PLA2G4C: variants seen among roughly 807,000 people sequenced by gnomAD.
PLA2G4C encodes cytosolic phospholipase A2 gamma.
A neutral mutation model predicts 73.8 loss-of-function variants in PLA2G4C; 64 were observed. The observed-to-expected ratio is 0.87, with a 90% CI of 0.71 to 1.07. The LOEUF (loss-of-function observed/expected upper bound fraction) is 1.07, where lower values mean the gene tolerates loss of function less well. Among genes scored for constraint, PLA2G4C ranks in the 50% least tolerant of loss-of-function variants. The pLI is 0.00. For synonymous variants in PLA2G4C, 254 were observed against 252.1 expected (o/e 1.01, Z -0.07); for missense variants, 622 against 665.4 (o/e 0.93, Z 0.72).
At chr19:48,066,780 C>T (rs2122509775) in intron 13 of PLA2G4C, among the ~76,000 whole-genome samples, 1 of 151,912 alleles carries the variant, frequency 6.6e-6, no homozygotes, top group Admixed American at 6.6e-5. Flanking sequence ...GTCTGGGCAA[C>T]ATAGTGAGAC....
intron 14 of PLA2G4C, among the ~76,000 whole-genome samples, chr19:48,055,410 T>TATATATATATATA (rs201946576): frequency 2.7e-5 from 4 of 148,354 alleles, no homozygotes; most frequent in Admixed American, 6.7e-5. Flanking sequence ...TATATATATA[T>TATATATATATATA]TTCAATTAGC....
At position 48,090,366 on chromosome 19, in the gene PLA2G4C, A is replaced by G. The variant is rs1484171103; in HGVS notation, c.761T>C (p.Phe254Ser). The G allele has an allele frequency of 7.5e-6, 12 of 1,608,620 alleles. No homozygotes were observed. The highest frequency in any genetic ancestry group is 1.6e-4 in the Middle Eastern group (1 of 6,066). Residue 254 changes from phenylalanine (F) to serine (S), a missense_variant and splice_region_variant, in exon 8 of 17, where the codon TTT becomes TCT. Transcript: ENST00000599921. The part of the protein sequence containing the change: ...GNTEVIREYI[F>S]DQLRNLTLKG... ...CTTTCTGTTCCCCAAATACTCACCA[A>G]AAATGTATTCCCTAATGACTTCAGT...
In PLA2G4C at chr19:48,062,300, C is replaced by G. The variant is rs927184148; in HGVS notation, c.1103-148G>C. On this transcript the variant is annotated intron_variant, in intron 13 of 16. Transcript: ENST00000599921. ...TTGCCAACTAGGAGCTGACTTCTCT[C>G]TCTTCCCAGATTCATATGTTGAAGC... 37 of 621,016 alleles carry G rather than the reference C, an allele frequency of 6.0e-5. No homozygotes were observed. In the South Asian group the frequency reaches 7.8e-4, roughly 13 times the overall value. The allele number at this position is 621,016 out of a possible 1,614,324, so 38.5% of individuals were successfully genotyped here.
At position 48,048,357 on chromosome 19, in the gene PLA2G4C, A is replaced by G. The variant is rs201919726; in HGVS notation, c.1612T>C (p.Cys538Arg). 6.3e-7 allele frequency: 1 copy of G among 1,598,856 alleles called. No individual in the cohort carries two copies. The highest frequency in any genetic ancestry group is 1.8e-5 in the Admixed American group (1 of 55,756). Residue 538 changes from cysteine (C) to arginine (R), a missense_variant, in exon 17 of 17, where the codon TGC becomes CGC. Transcript: ENST00000599921. ...CTGAGGCTCATCTATGCCAAGCAGCAACTTCGGGCACTATCCTTCGGGTAG... is the reference window on the plus strand; with the variant it reads ...CTGAGGCTCATCTATGCCAAGCAGCGACTTCGGGCACTATCCTTCGGGTAG... ...LYYPKDSARS[C>R]CLA
chr19:48,099,193 C>G (rs911182624), intron 5 of PLA2G4C, among the ~76,000 whole-genome samples: 4 of 151,924 alleles, frequency 2.6e-5, no homozygotes, highest in African/African-American at 9.7e-5. Context: ...TGCTTGAGCC[C>G]AGGAGGTCGA....
chr19:48,067,923 G>A (rs746592837), intron 12 of PLA2G4C, 37 bp from the exon 13 acceptor site: 1 of 1,438,922 alleles, frequency 6.9e-7, no homozygotes, highest in Admixed American at 1.7e-5. Context: ...GGTGAGTTCA[G>A]GAGACTGAGT....
At chr19:48,080,790 C>CGAGGCTGCCTCAACA in intron 10 of PLA2G4C, among the ~76,000 whole-genome samples, 1 of 139,692 alleles carries the variant, frequency 7.2e-6, no homozygotes. Flanking sequence ...GGCAACAGAG[C>CGAGGCTGCCTCAACA]GAGACTCTGC....
chr19:48,076,894 A>C (rs2030199126), intron 11 of PLA2G4C, among the ~76,000 whole-genome samples: 6 of 152,202 alleles, frequency 3.9e-5, no homozygotes, highest in Admixed American at 3.3e-4. Context: ...TTGTGTCTTA[A>C]GCTATAGCAA....
In PLA2G4C at chr19:48,072,006, T is replaced by C. The variant is rs1968678933; in HGVS notation, c.1006+2761A>G. Among the ~76,000 whole-genome samples, 1 of 150,900 alleles carries C rather than the reference T, an allele frequency of 6.6e-6. No homozygotes were observed. The highest frequency in any genetic ancestry group is 2.4e-5 in the African/African-American group (1 of 41,076). ...ACTAAAATTACAAAAATTAGCCGGGTGTGGTGGTGCATGCCTGTGGTCCCA... is the reference window on the plus strand; with the variant it reads ...ACTAAAATTACAAAAATTAGCCGGGCGTGGTGGTGCATGCCTGTGGTCCCA... On this transcript the variant is annotated intron_variant, in intron 12 of 16. Transcript: ENST00000599921. The surrounding 1 kb of genome is among the most constrained non-coding windows in gnomAD (Gnocchi z 4.4).
intron 2 of PLA2G4C, among the ~76,000 whole-genome samples, chr19:48,105,733 G>A (rs2122145225): frequency 6.6e-6 from 1 of 150,646 alleles, no homozygotes. Flanking sequence ...GGTGAGGTGG[G>A]TGGATCACTT....
At chr19:48,055,208 AAG>A in intron 14 of PLA2G4C, 159 bp from the exon 15 acceptor site, 1 of 656,634 alleles carries the variant, frequency 1.5e-6, no homozygotes, top group Non-Finnish European at 2.6e-6. Flanking sequence ...CTGTAAGGGA[AAG>A]AGTAAGCCTC....
In PLA2G4C at chr19:48,099,680, T is replaced by G. The variant is rs1300392809; in HGVS notation, c.438A>C (p.Gln146His). The G allele has an allele frequency of 6.2e-7, 1 of 1,612,992 alleles. No individual in the cohort carries two copies. The highest frequency in any genetic ancestry group is 8.5e-7 in the Non-Finnish European group (1 of 1,179,450). ...GCTGGGAATGACTTACTTCTCTGGT[T>G]TGCTTAGAGATAACCATGTAGGCCC... ...DFWAYMVISK[Q>H]TRELPESHLS... The change falls in exon 5 of 17, where the codon CAA (glutamine) becomes CAC (histidine). Residue 146 changes from glutamine (Q) to histidine (H), a missense_variant. Transcript: ENST00000599921.
At chr19:48,058,297 C>T (rs1402458090) in intron 14 of PLA2G4C, among the ~76,000 whole-genome samples, 3 of 150,008 alleles carry the variant, frequency 2.0e-5, no homozygotes, top group Admixed American at 6.6e-5. Flanking sequence ...GAAACTCCGT[C>T]TCAAAAAAAA....
intron 2 of PLA2G4C, among the ~76,000 whole-genome samples, chr19:48,106,187 A>T (rs190824119): frequency 3.3e-5 from 5 of 150,388 alleles, no homozygotes; most frequent in African/African-American, 9.8e-5. Context: ...GACTCAAGTG[A>T]TCCTCATGTC....
chr19:48,068,937 A>G (rs1193396253), intron 12 of PLA2G4C, among the ~76,000 whole-genome samples: 1 of 151,538 alleles, frequency 6.6e-6, no homozygotes, highest in Non-Finnish European at 1.5e-5. Context: ...AAGGCTGGGC[A>G]CAGTGACTCA....
intron 10 of PLA2G4C, among the ~76,000 whole-genome samples, chr19:48,084,312 G>T (rs555474987): frequency 4.6e-5 from 7 of 151,872 alleles, no homozygotes; most frequent in African/African-American, 1.7e-4. Flanking sequence ...TGTCCGCCTG[G>T]GCCTCCCAAA....
chr19:48,100,378 G>A (rs1346701097), intron 4 of PLA2G4C, among the ~76,000 whole-genome samples: 3 of 151,446 alleles, frequency 2.0e-5, no homozygotes, highest in Non-Finnish European at 4.4e-5. Flanking sequence ...AATTAGCCAG[G>A]CGTGGTGGCA....
intron 16 of PLA2G4C, among the ~76,000 whole-genome samples, chr19:48,052,536 C>T (rs1009714787): frequency 2.0e-5 from 3 of 152,110 alleles, no homozygotes; most frequent in Non-Finnish European, 4.4e-5. Flanking sequence ...TCCTGTTAAG[C>T]CTTCGGAACT....
At position 48,099,657 on chromosome 19, in the gene PLA2G4C, T is replaced by A. The variant is rs1158058135; in HGVS notation, c.447+14A>T. The A allele has an allele frequency of 6.2e-7, 1 of 1,604,944 alleles. No individual in the cohort carries two copies. The highest frequency in any genetic ancestry group is 1.1e-5 in the South Asian group (1 of 90,172). Reference sequence around the variant, plus strand: ...CCTACCCCCACCCCAGGTCCCCAGCTGGGAATGACTTACTTCTCTGGTTTG... The same window carrying A: ...CCTACCCCCACCCCAGGTCCCCAGCAGGGAATGACTTACTTCTCTGGTTTG... On this transcript the variant is annotated intron_variant, in intron 5 of 16. Transcript: ENST00000599921.
Sources: allele counts gnomAD v4.1 joint callset (sites outside exome capture counted in the v4.1 genomes callset), GRCh38; gene constraint gnomAD v4.1.1; non-coding constraint Gnocchi (gnomAD v3.1); transcripts MANE v1.5; gene names NCBI Gene and HGNC (gene_info 2026-07-23, HGNC 2026-07-21).